GCFC2: variants seen among roughly 807,000 people sequenced by gnomAD.
The protein encoded by GCFC2 is intron Large complex component GCFC2.
In GCFC2, 102 loss-of-function variants were observed where a neutral mutation model predicts 99.4. That is an observed-to-expected ratio of 1.03 (90% confidence interval 0.87 to 1.21). The LOEUF (loss-of-function observed/expected upper bound fraction) is 1.21, where lower values mean the gene tolerates loss of function less well. Ranked by LOEUF, GCFC2 falls within the 50% of genes most tolerant of loss-of-function variation. GCFC2 has a pLI of 0.00. For synonymous variants in GCFC2, 338 were observed against 316.8 expected (o/e 1.07, Z -0.71); for missense variants, 973 against 920.9 (o/e 1.06, Z -0.73).
chr2:75,666,713 TA>T (rs879656710), intron 15 of GCFC2, among the ~76,000 whole-genome samples: 119 of 127,878 alleles, frequency 9.3e-4, no homozygotes, highest in Non-Finnish European at 1.2e-3. Flanking sequence ...ATTTAAAAAG[TA>T]AAAAAAAAAA....
intron 3 of GCFC2, chr2:75,701,496 A>G: frequency 1.9e-6 from 1 of 522,726 alleles, no homozygotes; most frequent in Non-Finnish European, 3.4e-6. Flanking sequence ...CTGTCTTAGG[A>G]CTATGTTGAA....
At chr2:75,671,245 C>A (rs1679078032) in intron 14 of GCFC2, among the ~76,000 whole-genome samples, 1 of 152,172 alleles carries the variant, frequency 6.6e-6, no homozygotes, top group Admixed American at 6.5e-5. Flanking sequence ...GAGGTTCTGT[C>A]CTTGGCCTAC....
At position 75,692,664 on chromosome 2, in the gene GCFC2, AG is replaced by A. The variant is rs1449924848; in HGVS notation, c.1021-565del. ...TCTGTCTCAAAAGAAAAAAAAAAAAAGAAACCAAATGGGATGGAGTCAGGAA... is the reference window on the plus strand; with the variant it reads ...TCTGTCTCAAAAGAAAAAAAAAAAAAAAACCAAATGGGATGGAGTCAGGAA... On this transcript the variant is annotated intron_variant, in intron 6 of 16. Coordinates refer to ENST00000321027, the MANE Select transcript of GCFC2 (RefSeq NM_003203.5). Among the ~76,000 whole-genome samples, 180 of 151,938 alleles carry A rather than the reference AG, an allele frequency of 1.2e-3. 1 individual carries two copies. Among genetic ancestry groups the A allele is most frequent in the African/African-American group, 4.3e-3 (177 of 41,474 alleles).
Position 75,664,486 on chromosome 2 carries a change from G to A in GCFC2, c.*180C>T, listed in dbSNP as rs1678738660. ...ATTCCTTAGAACACCACAGAATCATGGCAGCTTTTCATGATGCCAGAAGGT... is the reference window on the plus strand; with the variant it reads ...ATTCCTTAGAACACCACAGAATCATAGCAGCTTTTCATGATGCCAGAAGGT... On this transcript the variant is annotated 3_prime_UTR_variant, in exon 17 of 17. Transcript: ENST00000321027. The A allele has an allele frequency of 7.3e-6, 3 of 409,078 alleles. No homozygotes were observed. Among genetic ancestry groups the A allele is most frequent in the South Asian group, 4.7e-5 (1 of 21,266 alleles). 25.3% of individuals were successfully genotyped at this position (409,078 alleles called of 1,614,324 possible). A position where few individuals can be genotyped will look rare whatever the true frequency, so the allele number is the denominator to read the frequency against.
chr2:75,712,951 G>A (rs537701167), upstream of GCFC2, among the ~76,000 whole-genome samples: 1 of 152,320 alleles, frequency 6.6e-6, no homozygotes, highest in African/African-American at 2.4e-5. Flanking sequence ...AGAAGTCCAG[G>A]TGTTTCTCCC....
chr2:75,702,829 A>G (rs1234288781), intron 2 of GCFC2, among the ~76,000 whole-genome samples: 1 of 152,186 alleles, frequency 6.6e-6, no homozygotes, highest in Non-Finnish European at 1.5e-5. Context: ...AGAAGGATCA[A>G]TGACAGACCA....
intron 16 of GCFC2, among the ~76,000 whole-genome samples, chr2:75,665,041 CAG>C (rs1360156203): frequency 1.3e-5 from 2 of 152,094 alleles, no homozygotes; most frequent in East Asian, 1.9e-4. Flanking sequence ...GTAAGTCTAT[CAG>C]AAATTTCAGT....
chr2:75,664,591 G>A lies in GCFC2; in HGVS notation c.*75C>T. On this transcript the variant is annotated 3_prime_UTR_variant, in exon 17 of 17. Transcript: ENST00000321027. Reference sequence around the variant, plus strand: ...TATTACAGGGAATAAAGAAGAGAGAGGCACCAGCTTCTTCTCAAACAAAGG... The same window carrying A: ...TATTACAGGGAATAAAGAAGAGAGAAGCACCAGCTTCTTCTCAAACAAAGG... 7 of 699,220 alleles carry A rather than the reference G, an allele frequency of 1.0e-5. No individual in the cohort carries two copies. The highest frequency in any genetic ancestry group is 1.7e-5 in the South Asian group (1 of 58,512). The allele number at this position is 699,220 out of a possible 1,614,324, so 43.3% of individuals were successfully genotyped here.
chr2:75,699,132 G>T (rs1680462963), intron 4 of GCFC2, among the ~76,000 whole-genome samples: 2 of 152,086 alleles, frequency 1.3e-5, no homozygotes, highest in African/African-American at 4.8e-5. Flanking sequence ...ATGGAAATGA[G>T]AGTGACAGTG....
At chr2:75,707,121 C>T (rs970341364) in intron 1 of GCFC2, among the ~76,000 whole-genome samples, 2 of 152,124 alleles carry the variant, frequency 1.3e-5, no homozygotes, top group African/African-American at 4.8e-5. Context: ...AACACCAACT[C>T]GGGCAGTGGA....
chr2:75,666,149 C>T, intron 15 of GCFC2, 96 bp from the exon 16 acceptor site: 4 of 842,484 alleles, frequency 4.7e-6, no homozygotes, highest in South Asian at 4.3e-5. Flanking sequence ...GAGTATCATT[C>T]TCCCCATTTT....
At chr2:75,673,591 T>A in intron 12 of GCFC2, 71 bp from the exon 13 acceptor site, 1 of 704,718 alleles carries the variant, frequency 1.4e-6, no homozygotes, top group Non-Finnish European at 2.6e-6. Context: ...AAAGTAATTT[T>A]AACTGCAGTA....
chr2:75,708,386 A>G (rs1680964195), intron 1 of GCFC2, among the ~76,000 whole-genome samples: 1 of 152,132 alleles, frequency 6.6e-6, no homozygotes, highest in African/African-American at 2.4e-5. Context: ...CTTCCAAATA[A>G]TGCAAGATGT....
At chr2:75,690,352 C>G in intron 8 of GCFC2, 2 of 501,598 alleles carry the variant, frequency 4.0e-6, no homozygotes, top group East Asian at 7.2e-5. Context: ...ATGGGCTAAC[C>G]AGATTCCGAA....
rs201024287 is a variant in GCFC2, at chr2:75,691,987, T to G, written c.1134A>C (p.Gln378His). The change falls in exon 7 of 17, where the codon CAA becomes CAC. Residue 378 changes from glutamine (Q) to histidine (H), a missense_variant. Physicochemically the swap from Gln to His is conservative, Grantham distance 24 (BLOSUM62 0). Transcript: ENST00000321027. The part of the protein sequence containing the change: ...DELKHESTYL[Q>H]QLSRKDETST... ...ACGAAAAACACTAACGTGATAACTG[T>G]TGTAAATACGTTGATTCATGTTTTA... The G allele has an allele frequency of 7.8e-6, 12 of 1,532,516 alleles. No homozygotes were observed. The highest frequency in any genetic ancestry group is 2.4e-5 in the East Asian group (1 of 41,584). The allele number at this position is 1,532,516 out of a possible 1,614,324, so 94.9% of individuals were successfully genotyped here. A position where few individuals can be genotyped will look rare whatever the true frequency, so the allele number is the denominator to read the frequency against.
chr2:75,707,211 T>G (rs1029126970), intron 1 of GCFC2, among the ~76,000 whole-genome samples: 1 of 152,178 alleles, frequency 6.6e-6, no homozygotes, highest in African/African-American at 2.4e-5. Flanking sequence ...CAACGGCTGG[T>G]GGCGAGAAAT....
rs371622521 is a variant in GCFC2 at position 75,673,106 on chromosome 2, C to T, written c.1889+338G>A. On this transcript the variant is annotated intron_variant, in intron 13 of 16. Transcript: ENST00000321027. The stretch of plus-strand genomic sequence containing the variant: ...CGGGCGGATCACAAGGTCAGGAGAT[C>T]GAGACCATCCTGGCTAACATGGTGA... 4.6e-4 allele frequency among the ~76,000 whole-genome samples: 70 copies of T among 151,974 alleles called. 1 individual carries two copies. Among genetic ancestry groups the T allele is most frequent in the African/African-American group, 1.6e-3 (65 of 41,458 alleles).
rs1053065660 is a variant in GCFC2 at position 75,663,743 on chromosome 2, C to G, written c.*923G>C. On this transcript the variant is annotated 3_prime_UTR_variant, in exon 17 of 17. Coordinates refer to ENST00000321027, the MANE Select transcript of GCFC2 (RefSeq NM_003203.5). ...GGCATGGTGGCGCATGCCTATAGTC[C>G]CAGCTACTTGGGAGGTTGAAGTGGG... The G allele has an allele frequency of 6.6e-6, 1 of 152,198 alleles. No individual in the cohort carries two copies. Among genetic ancestry groups the G allele is most frequent in the Non-Finnish European group, 1.5e-5 (1 of 68,194 alleles). The allele number at this position is 152,198 out of a possible 1,614,324, so 9.4% of individuals were successfully genotyped here.
intron 12 of GCFC2, among the ~76,000 whole-genome samples, chr2:75,675,850 G>T (rs1270049073): frequency 6.7e-6 from 1 of 149,566 alleles, no homozygotes; most frequent in African/African-American, 2.5e-5. Flanking sequence ...TCATTTGTTT[G>T]ATGGAAAATA....
Sources: gnomAD v4.1 joint callset for allele counts (sites outside exome capture counted in the v4.1 genomes callset) on GRCh38, gnomAD v4.1.1 for gene constraint, MANE v1.5 for transcripts, NCBI Gene and HGNC (gene_info 2026-07-23, HGNC 2026-07-21) for gene names.